PDPK1: variants seen among roughly 807,000 people sequenced by gnomAD.
PDPK1 encodes 3-phosphoinositide-dependent protein kinase 1.
Under a neutral mutation model 39.8 loss-of-function variants are expected in PDPK1, and 7 were observed. That is an observed-to-expected ratio of 0.18 (90% CI 0.10 to 0.33). PDPK1 has a LOEUF of 0.33. Among genes scored for constraint, PDPK1 ranks in the 10% least tolerant of loss-of-function variants. The probability of loss-of-function intolerance (pLI) is 1.00; values close to 1 mark genes in which losing one functional copy is unlikely to be tolerated. For missense variants in PDPK1, 182 were observed against 384.7 expected (o/e 0.47, Z 4.41); for synonymous variants, 118 against 159.1 (o/e 0.74, Z 1.95).
chr16:2,579,299 G>GC (rs1333672033), intron 7 of PDPK1: 1 of 102,054 alleles, frequency 9.8e-6, no homozygotes, highest in African/African-American at 4.1e-5. Flanking sequence ...GGCGGGGGGG[G>GC]GGCGCGACGT....
chr16:2,585,274 G>A (rs1002048506), intron 10 of PDPK1, among the ~76,000 whole-genome samples: 2 of 152,224 alleles, frequency 1.3e-5, no homozygotes, highest in Non-Finnish European at 1.5e-5. Context: ...CCGCCTGTTA[G>A]ATGGCCCATC....
At chr16:2,550,340 A>G (rs1381277660) in intron 1 of PDPK1, among the ~76,000 whole-genome samples, 4 of 111,524 alleles carry the variant, frequency 3.6e-5, no homozygotes, top group Non-Finnish European at 5.4e-5. Context: ...ATAAACTCAC[A>G]CGTGCCCACC....
At chr16:2,575,481 GCTGT>G (rs1347288393) in intron 6 of PDPK1, 3 of 33,470 alleles carry the variant, frequency 9.0e-5, no homozygotes, top group Admixed American at 5.4e-4. Flanking sequence ...CTCTAGCGGC[GCTGT>G]CTGTCTCTGG....
chr16:2,576,996 AG>A (rs60894391), intron 6 of PDPK1: 3,174 of 260,234 alleles, frequency 0.012, 155 homozygotes, highest in African/African-American at 0.073. Flanking sequence ...CTTGGGCTGG[AG>A]GCCTGAGTCT....
At chr16:2,586,234 A>G (rs188524097) in intron 10 of PDPK1, among the ~76,000 whole-genome samples, 88 of 152,366 alleles carry the variant, frequency 5.8e-4, no homozygotes, top group Admixed American at 4.6e-3. Context: ...TCAGACTCCT[A>G]AGACACCTGG....
rs2066415586 is a variant in PDPK1 at position 2,551,743 on chromosome 16, T to C, written c.25-5960T>C. ...ATGCGGTGACGCAATCTCTGCTCAC[T>C]GCAACCTCCGCCTCCTGGGTTCAAG... On this transcript the variant is annotated intron_variant, in intron 1 of 13. Coordinates refer to ENST00000342085, the MANE Select transcript of PDPK1 (RefSeq NM_002613.5). Among the ~76,000 whole-genome samples the C allele has an allele frequency of 4.0e-5, 6 of 150,022 alleles. No homozygotes were observed. The South Asian group carries it at 1.3e-3, about 33-fold the overall frequency.
chr16:2,545,879 C>G (rs2066334835), intron 1 of PDPK1, among the ~76,000 whole-genome samples: 1 of 152,034 alleles, frequency 6.6e-6, no homozygotes, highest in South Asian at 2.1e-4. Flanking sequence ...TAAAGTGATC[C>G]TACCACCTGC....
At chr16:2,545,847 C>T (rs191835863) in intron 1 of PDPK1, among the ~76,000 whole-genome samples, 1 of 152,144 alleles carries the variant, frequency 6.6e-6, no homozygotes, top group East Asian at 1.9e-4. Flanking sequence ...GCTTTGTTGC[C>T]CAGGCTGGTC....
At chr16:2,540,831 G>C (rs1486838917) in intron 1 of PDPK1, among the ~76,000 whole-genome samples, 2 of 152,256 alleles carry the variant, frequency 1.3e-5, no homozygotes, top group East Asian at 1.9e-4. Context: ...TAATGATTTT[G>C]CTGAAGGTAG....
intron 10 of PDPK1, among the ~76,000 whole-genome samples, chr16:2,584,976 G>A (rs898170425): frequency 2.0e-5 from 3 of 152,216 alleles, no homozygotes; most frequent in African/African-American, 7.2e-5. Context: ...CTCCCTGCTG[G>A]GCCTGCTGTT....
chr16:2,585,688 C>T (rs571947717), intron 10 of PDPK1, among the ~76,000 whole-genome samples: 20 of 152,330 alleles, frequency 1.3e-4, no homozygotes, highest in African/African-American at 3.8e-4. Flanking sequence ...CCGGCAGCGT[C>T]GGGCGTTTCC....
In PDPK1 at chr16:2,597,303, T is replaced by C; in HGVS notation, c.1554+28T>C. Reference sequence around the variant, plus strand: ...GAGTCTGTTCCCAGGGATTTCTGTGTGCAGGGTAATGGGAGGGCTTTGCAC... The same window carrying C: ...GAGTCTGTTCCCAGGGATTTCTGTGCGCAGGGTAATGGGAGGGCTTTGCAC... On this transcript the variant is annotated intron_variant, in intron 13 of 13. Coordinates refer to ENST00000342085, the MANE Select transcript of PDPK1 (RefSeq NM_002613.5). The surrounding 1 kb of genome is among the most constrained non-coding windows in gnomAD (Gnocchi z 6.3). 6.4e-7 allele frequency: 1 copy of C among 1,555,868 alleles called. No individual in the cohort carries two copies. Among genetic ancestry groups the C allele is most frequent in the Non-Finnish European group, 8.8e-7 (1 of 1,140,498 alleles).
intron 1 of PDPK1, among the ~76,000 whole-genome samples, chr16:2,551,905 A>T (rs1369458485): frequency 1.3e-5 from 2 of 151,304 alleles, no homozygotes; most frequent in Admixed American, 1.3e-4. Flanking sequence ...ATCTCAGATG[A>T]TGCGCCTGCC....
chr16:2,544,316 T>G (rs1250635007), intron 1 of PDPK1, among the ~76,000 whole-genome samples: 1 of 152,096 alleles, frequency 6.6e-6, no homozygotes, highest in Non-Finnish European at 1.5e-5. Flanking sequence ...ACAGAAATAT[T>G]AGCAGTGGTT....
rs148008907 is a variant in PDPK1 at position 2,597,733 on chromosome 16, G to A, written c.1637G>A (p.Arg546Gln). Residue 546 changes from arginine to glutamine, a missense_variant, in exon 14 of 14, where the codon CGA becomes CAA. Arg to Gln is a conservative substitution (Grantham distance 43). Coordinates refer to ENST00000342085, the MANE Select transcript of PDPK1 (RefSeq NM_002613.5). The surrounding 1 kb of genome is among the most constrained non-coding windows in gnomAD (Gnocchi z 6.3). ...AAGATCCAGGAGGTTTGGAGGCAGCGATACCAGAGCCACCCGGACGCCGCT... is the reference window on the plus strand; with the variant it reads ...AAGATCCAGGAGGTTTGGAGGCAGCAATACCAGAGCCACCCGGACGCCGCT... ...CRKIQEVWRQ[R>Q]YQSHPDAAVQ 9.9e-6 allele frequency: 16 copies of A among 1,613,224 alleles called. No individual in the cohort carries two copies. The highest frequency in any genetic ancestry group is 8.0e-5 in the African/African-American group (6 of 75,032).
rs1203803439 is a variant in PDPK1 at position 2,573,796 on chromosome 16, TA to T, written c.710-3628del. On this transcript the variant is annotated intron_variant, in intron 6 of 13. Coordinates refer to ENST00000342085, the MANE Select transcript of PDPK1 (RefSeq NM_002613.5). ...CCCTTTTTTTTCCTTTTTCTGTTTT[TA>T]TTTTTTTTTTTTTTGAGACGGAATT... is the stretch of plus-strand genomic sequence containing the variant. 2.3e-4 allele frequency among the ~76,000 whole-genome samples: 26 copies of T among 113,330 alleles called. 4 individuals carry two copies. Among genetic ancestry groups the T allele is most frequent in the Non-Finnish European group, 4.2e-4 (23 of 54,808 alleles). 74.3% of individuals were successfully genotyped at this position (113,330 alleles called of 152,430 possible).
At chr16:2,594,095 G>C (rs2142005092) in intron 11 of PDPK1, 2 of 152,464 alleles carry the variant, frequency 1.3e-5, no homozygotes, top group African/African-American at 4.8e-5. Context: ...GGGTGGGTCA[G>C]ATGGTGGGGC....
At chr16:2,595,756 T>G (rs762040074) in intron 11 of PDPK1, 37 bp from the exon 12 acceptor site, 1 of 1,537,002 alleles carries the variant, frequency 6.5e-7, no homozygotes, top group South Asian at 1.1e-5. Flanking sequence ...TGTTTGTGAT[T>G]GTCATGGGAG....
intron 1 of PDPK1, among the ~76,000 whole-genome samples, chr16:2,541,043 C>T (rs190937711): frequency 2.6e-5 from 4 of 152,260 alleles, no homozygotes; most frequent in African/African-American, 4.8e-5. Context: ...CTGTACGCAA[C>T]GTTGCCCTGA....
Sources: allele counts gnomAD v4.1 joint callset (sites outside exome capture counted in the v4.1 genomes callset), GRCh38; gene constraint gnomAD v4.1.1; non-coding constraint Gnocchi (gnomAD v3.1); transcripts MANE v1.5; gene names NCBI Gene and HGNC (gene_info 2026-07-23, HGNC 2026-07-21).